The following FOXK1 variants were observed in gnomAD, a reference collection of about 807,000 sequenced individuals.
FOXK1 encodes forkhead box protein K1.
In FOXK1, 19 loss-of-function variants were observed where a neutral mutation model predicts 51.9. That is an observed-to-expected ratio of 0.37 (90% CI 0.26 to 0.54). The LOEUF (loss-of-function observed/expected upper bound fraction) is 0.54, where lower values mean the gene tolerates loss of function less well. Ranked by LOEUF, FOXK1 falls within the 20% of genes least tolerant of loss-of-function variation. The probability of loss-of-function intolerance (pLI) is 0.87; values close to 1 mark genes in which losing one functional copy is unlikely to be tolerated. For missense variants in FOXK1, 870 were observed against 1,032.7 expected, an observed-to-expected ratio of 0.84 and a Z score of 2.16; for synonymous variants, 537 against 482.6, an observed-to-expected ratio of 1.11 and a Z score of -1.48.
At chr7:4,685,371 C>A (rs377308367) in intron 1 of FOXK1, among the ~76,000 whole-genome samples, 1 of 151,606 alleles carries the variant, frequency 6.6e-6, no homozygotes, top group African/African-American at 2.4e-5. Flanking sequence ...CACAACACCA[C>A]GCCCAGCTAA....
chr7:4,682,526 G>T lies in FOXK1; in HGVS notation c.218G>T (p.Gly73Val), dbSNP rs1446657419. The change falls in exon 1 of 9, where the codon GGC (glycine) becomes GTC (valine). Residue 73 changes from glycine (G) to valine (V), a missense_variant. Around this residue, in one of 3 missense-constraint regions of FOXK1, gnomAD observed 399 missense variants for 475.6 expected, o/e 0.84. Coordinates refer to ENST00000328914, the MANE Select transcript of FOXK1 (RefSeq NM_001037165.2). The surrounding 1 kb of genome is among the most constrained non-coding windows in gnomAD (Gnocchi z 7.6). Reference sequence around the variant, plus strand: ...ATCGCGGGCGCGGGCTCCTCCGGGGGCTCCTCCGGGGTATCCGGGGACTCC... The same window carrying T: ...ATCGCGGGCGCGGGCTCCTCCGGGGTCTCCTCCGGGGTATCCGGGGACTCC... ...GAIAGAGSSG[G>V]SSGVSGDSAV... is the part of the protein sequence containing the mutation. 97 of 1,109,004 alleles carry T rather than the reference G, an allele frequency of 8.7e-5. No homozygotes were observed. Among genetic ancestry groups the T allele is most frequent in the Non-Finnish European group, 1.0e-4 (92 of 911,996 alleles). The allele number at this position is 1,109,004 out of a possible 1,614,324, so 68.7% of individuals were successfully genotyped here.
chr7:4,714,853 G>A (rs571740397), intron 1 of FOXK1, among the ~76,000 whole-genome samples: 9 of 152,144 alleles, frequency 5.9e-5, no homozygotes, highest in Admixed American at 1.3e-4. Flanking sequence ...AAACCCAGAT[G>A]TTTTGTCCAC....
intron 1 of FOXK1, among the ~76,000 whole-genome samples, chr7:4,685,241 T>TC (rs1491186065): frequency 2.7e-5 from 3 of 111,026 alleles, no homozygotes; most frequent in African/African-American, 9.0e-5. Context: ...TTTTTTTTTT[T>TC]CTGTCATGGA....
intron 1 of FOXK1, among the ~76,000 whole-genome samples, chr7:4,739,157 T>C (rs1369044143): frequency 1.3e-5 from 2 of 152,214 alleles, no homozygotes; most frequent in Admixed American, 1.3e-4. Flanking sequence ...CAGTCAGGCA[T>C]AGACCCAGCA....
At position 4,761,821 on chromosome 7, in the gene FOXK1, G is replaced by A; in HGVS notation, c.1922-363G>A. Among the ~76,000 whole-genome samples, 1 of 152,164 alleles carries A rather than the reference G, an allele frequency of 6.6e-6. No homozygotes were observed. The highest frequency in any genetic ancestry group is 6.5e-5 in the Admixed American group (1 of 15,270). The stretch of plus-strand genomic sequence containing the variant: ...AAGGAAGGAGGAGAGTTGGGGTGCT[G>A]GGGTGCAAGGGTGCTGGGCGGGGGT... On this transcript the variant is annotated intron_variant, in intron 8 of 8. Transcript: ENST00000328914. This position sits in a 1 kb window ranked among gnomAD's most constrained non-coding sequence, Gnocchi z 6.2.
intron 1 of FOXK1, among the ~76,000 whole-genome samples, chr7:4,713,098 T>TC (rs1780194409): frequency 6.6e-6 from 1 of 152,246 alleles, no homozygotes; most frequent in Non-Finnish European, 1.5e-5. Flanking sequence ...GGTCATTTAA[T>TC]CCAAGTACAT....
At position 4,759,383 on chromosome 7, in the gene FOXK1, T is replaced by TGGCCTACATGCCCGC. The variant is rs759517208; in HGVS notation, c.1485_1499dup (p.Ala496_Ala500dup). The TGGCCTACATGCCCGC allele has an allele frequency of 3.7e-6, 6 of 1,602,356 alleles. No homozygotes were observed. In the South Asian group the frequency reaches 6.6e-5, roughly 18 times the overall value. ...CCGTCCAGCCTCGTGGCCAAGCCCG[T>TGGCCTACATGCCCGC]GGCCTACATGCCCGCCTCCATCGTA... On this transcript the variant is annotated inframe_insertion, in exon 7 of 9. Transcript: ENST00000328914.
rs771122446 is a variant in FOXK1, at chr7:4,762,157, A to G, written c.1922-27A>G. 34 of 1,536,492 alleles carry G rather than the reference A, an allele frequency of 2.2e-5. No homozygotes were observed. The highest frequency in any genetic ancestry group is 3.0e-5 in the Non-Finnish European group (34 of 1,136,040). On this transcript the variant is annotated intron_variant, in intron 8 of 8. Coordinates refer to ENST00000328914, the MANE Select transcript of FOXK1 (RefSeq NM_001037165.2). The surrounding 1 kb of genome is among the most constrained non-coding windows in gnomAD (Gnocchi z 5.7). ...CAGCTGGGTCCTAACCAGACCCCAG[A>G]GTAACCCTCTTCTTCCTCCACTCCA...
intron 1 of FOXK1, among the ~76,000 whole-genome samples, chr7:4,695,690 A>G (rs1404425462): frequency 2.0e-5 from 3 of 152,120 alleles, no homozygotes; most frequent in African/African-American, 4.8e-5. Context: ...TAATCCCAGC[A>G]CTTTGGGAGG....
Position 4,709,853 on chromosome 7 carries a change from C to G in FOXK1, c.560+26985C>G, listed in dbSNP as rs1437437481. 6.6e-6 allele frequency among the ~76,000 whole-genome samples: 1 copy of G among 152,190 alleles called. No homozygotes were observed. Among genetic ancestry groups the G allele is most frequent in the African/African-American group, 2.4e-5 (1 of 41,446 alleles). On this transcript the variant is annotated intron_variant, in intron 1 of 8. Transcript: ENST00000328914. The surrounding 1 kb of genome is among the most constrained non-coding windows in gnomAD (Gnocchi z 5.6). ...ATAGGTCCAAAAGCCATCCCCACCT[C>G]CAAGGAGGGAGAGAGGATCGAATGA...
Position 4,753,081 on chromosome 7 carries a change from A to G in FOXK1, c.747-1378A>G, listed in dbSNP as rs1780799671. The stretch of plus-strand genomic sequence containing the variant: ...TTACCTATCTCTGCCATATTTGGGG[A>G]GTCCGTTGTAAGAGAGAATGGGAAT... On this transcript the variant is annotated intron_variant, in intron 2 of 8. Coordinates refer to ENST00000328914, the MANE Select transcript of FOXK1 (RefSeq NM_001037165.2). This position sits in a 1 kb window ranked among gnomAD's most constrained non-coding sequence, Gnocchi z 4.9. Among the ~76,000 whole-genome samples, 1 of 152,158 alleles carries G rather than the reference A, an allele frequency of 6.6e-6. No individual in the cohort carries two copies. Among genetic ancestry groups the G allele is most frequent in the Admixed American group, 6.5e-5 (1 of 15,270 alleles).
intron 1 of FOXK1, among the ~76,000 whole-genome samples, chr7:4,696,986 T>C (rs1053730053): frequency 1.3e-5 from 2 of 152,150 alleles, no homozygotes; most frequent in African/African-American, 2.4e-5. Context: ...GAGAATCCCT[T>C]GAACCCGGGA....
chr7:4,727,693 C>T (rs948493398), intron 1 of FOXK1, among the ~76,000 whole-genome samples: 3 of 152,234 alleles, frequency 2.0e-5, no homozygotes, highest in South Asian at 2.1e-4. Context: ...TCCGTCCCTG[C>T]GGCAGACTGG....
chr7:4,757,144 G>A lies in FOXK1; in HGVS notation c.1201G>A (p.Gly401Ser), dbSNP rs147928729. 8.1e-6 allele frequency: 13 copies of A among 1,612,546 alleles called. No individual in the cohort carries two copies. Among genetic ancestry groups the A allele is most frequent in the Non-Finnish European group, 1.1e-5 (13 of 1,179,764 alleles). Residue 401 changes from glycine (G) to serine (S), a missense_variant, in exon 5 of 9, where the codon GGT (glycine) becomes AGT (serine). Gly to Ser is a moderately conservative substitution (Grantham distance 56). Coordinates refer to ENST00000328914, the MANE Select transcript of FOXK1 (RefSeq NM_001037165.2). ...EQAFRKRRQR[G>S]VSCFRTPFGP... ...GGCATTCCGGAAACGGAGGCAGAGGGGTGTCTCCTGCTTCCGCACCCCCTT... is the reference window on the plus strand; with the variant it reads ...GGCATTCCGGAAACGGAGGCAGAGGAGTGTCTCCTGCTTCCGCACCCCCTT...
At chr7:4,728,901 ATCAG>A (rs1562381046) in intron 1 of FOXK1, among the ~76,000 whole-genome samples, 1 of 152,230 alleles carries the variant, frequency 6.6e-6, no homozygotes, top group East Asian at 1.9e-4. Context: ...GGTACTTGGT[ATCAG>A]TCAGGTGGCC....
Position 4,756,696 on chromosome 7 carries a change from C to T in FOXK1, c.1051-298C>T, listed in dbSNP as rs1303712534. Among the ~76,000 whole-genome samples the T allele has an allele frequency of 2.0e-5, 3 of 150,960 alleles. No individual in the cohort carries two copies. The highest frequency in any genetic ancestry group is 4.9e-5 in the African/African-American group (2 of 40,988). On this transcript the variant is annotated intron_variant, in intron 4 of 8. Coordinates refer to ENST00000328914, the MANE Select transcript of FOXK1 (RefSeq NM_001037165.2). The surrounding 1 kb of genome is among the most constrained non-coding windows in gnomAD (Gnocchi z 4.1). The stretch of plus-strand genomic sequence containing the variant: ...AGGAGAATCCCTTGAACCCGGGAGG[C>T]GGAACTTGCAGTGAGCCGAGATCGT...
rs1779776128 is a variant in FOXK1, at chr7:4,683,222, G to T, written c.560+354G>T. On this transcript the variant is annotated intron_variant, in intron 1 of 8. Transcript: ENST00000328914. This position sits in a 1 kb window ranked among gnomAD's most constrained non-coding sequence, Gnocchi z 4.5. Reference sequence around the variant, plus strand: ...TCACCCCTGACCTCATCTCCCACCGGCCTGGGCTCCTGGAGCCACCCATAC... The same window carrying T: ...TCACCCCTGACCTCATCTCCCACCGTCCTGGGCTCCTGGAGCCACCCATAC... 6.6e-6 allele frequency among the ~76,000 whole-genome samples: 1 copy of T among 151,102 alleles called. No individual in the cohort carries two copies. The highest frequency in any genetic ancestry group is 2.4e-5 in the African/African-American group (1 of 41,066).
intron 2 of FOXK1, among the ~76,000 whole-genome samples, chr7:4,741,447 G>T (rs1780632752): frequency 6.6e-6 from 1 of 152,218 alleles, no homozygotes; most frequent in Non-Finnish European, 1.5e-5. Context: ...TCTTGCCTCA[G>T]CCTCCCGAGT....
chr7:4,763,159 G>T lies in FOXK1; in HGVS notation c.*695G>T, dbSNP rs1256270999. The T allele has an allele frequency of 6.6e-6, 1 of 152,362 alleles. No individual in the cohort carries two copies. Among genetic ancestry groups the T allele is most frequent in the Non-Finnish European group, 1.5e-5 (1 of 68,126 alleles). 9.4% of individuals were successfully genotyped at this position (152,362 alleles called of 1,614,324 possible). Reference sequence around the variant, plus strand: ...TCTGATGACCGGCCGTAGGTCCAGGGTTCCCGCTGGGTTTAATCCCCTCGA... The same window carrying T: ...TCTGATGACCGGCCGTAGGTCCAGGTTTCCCGCTGGGTTTAATCCCCTCGA... On this transcript the variant is annotated 3_prime_UTR_variant, in exon 9 of 9. Transcript: ENST00000328914.
Sources: allele counts gnomAD v4.1 joint callset (sites outside exome capture counted in the v4.1 genomes callset), GRCh38; gene constraint gnomAD v4.1.1; regional missense constraint gnomAD v4.1.1; non-coding constraint Gnocchi (gnomAD v3.1); transcripts MANE v1.5; gene names NCBI Gene and HGNC (gene_info 2026-07-23, HGNC 2026-07-21).